The following ST7 variants were observed in gnomAD, a reference collection of about 807,000 sequenced individuals.
ST7 encodes the protein suppression of tumorigenicity 7, also known as suppressor of tumorigenicity 7 protein.
In ST7, 28 loss-of-function variants were observed where a neutral mutation model predicts 78.7. The observed-to-expected ratio is 0.36, with a 90% CI of 0.26 to 0.49. ST7 has a LOEUF of 0.49. Ranked by LOEUF, ST7 falls within the 20% of genes least tolerant of loss-of-function variation. The pLI is 0.99. For missense variants in ST7, 418 were observed against 696.0 expected (o/e 0.60, Z 4.49); for synonymous variants, 247 against 249.6 (o/e 0.99, Z 0.10).
rs111656866 is a variant in ST7 at position 117,190,790 on chromosome 7, A to G, written c.1152-44A>G. 18 of 1,539,670 alleles carry G rather than the reference A, an allele frequency of 1.2e-5. No homozygotes were observed. Among genetic ancestry groups the G allele is most frequent in the Non-Finnish European group, 1.6e-5 (18 of 1,114,100 alleles). The stretch of plus-strand genomic sequence containing the variant: ...GTAGATGCTTCCGGGTTGATGCCCA[A>G]GCAGTGGTCCCACCTGGATGGTTTT... On this transcript the variant is annotated intron_variant, in intron 11 of 15. Transcript: ENST00000323984. The surrounding 1 kb of genome is among the most constrained non-coding windows in gnomAD (Gnocchi z 5.2).
At chr7:117,033,598 A>G (rs1226746225) in intron 1 of ST7, among the ~76,000 whole-genome samples, 1 of 151,902 alleles carries the variant, frequency 6.6e-6, no homozygotes, top group Non-Finnish European at 1.5e-5. Flanking sequence ...TAATTTTTGT[A>G]TTTTTAGTAG....
intron 1 of ST7, among the ~76,000 whole-genome samples, chr7:116,997,193 C>T (rs553790340): frequency 3.9e-4 from 59 of 152,128 alleles, no homozygotes; most frequent in African/African-American, 9.9e-4. Context: ...AAGGTAGTGC[C>T]GACCCAAAGA....
chr7:117,207,659 C>T (rs1390142680), intron 12 of ST7, among the ~76,000 whole-genome samples: 3 of 152,128 alleles, frequency 2.0e-5, no homozygotes, highest in Admixed American at 2.0e-4. Flanking sequence ...AAGAAGATTT[C>T]TGTATACCTG....
At chr7:117,105,557 C>T (rs566850042) in intron 2 of ST7, among the ~76,000 whole-genome samples, 3 of 152,180 alleles carry the variant, frequency 2.0e-5, no homozygotes, top group Non-Finnish European at 2.9e-5. Flanking sequence ...GCTGGGATTA[C>T]AGGCGTGAGC....
chr7:117,049,636 ATG>A (rs1673161741), intron 1 of ST7, among the ~76,000 whole-genome samples: 2 of 152,198 alleles, frequency 1.3e-5, no homozygotes, highest in South Asian at 4.1e-4. Context: ...CAAAAAGTGC[ATG>A]TGTTTTGTGT....
chr7:117,058,662 C>T (rs1798190355), intron 1 of ST7, among the ~76,000 whole-genome samples: 1 of 152,120 alleles, frequency 6.6e-6, no homozygotes, highest in Non-Finnish European at 1.5e-5. Context: ...TTTTACTCAG[C>T]TTTTAAGTCA....
In ST7 at chr7:117,023,257, AAAC is replaced by A. The variant is rs369884577; in HGVS notation, c.151+69568_151+69570del. Among the ~76,000 whole-genome samples, 101 of 152,356 alleles carry A rather than the reference AAAC, an allele frequency of 6.6e-4. No individual in the cohort carries two copies. The East Asian group carries it at 0.017, about 25-fold the overall frequency. ...TACTTGCACCCTTCCTCACCAAAAA[AAAC>A]AGACAAAAAAAGCCTTTAAAATACC... On this transcript the variant is annotated intron_variant, in intron 1 of 15. Coordinates refer to ENST00000323984, the MANE Select transcript of ST7 (RefSeq NM_001369598.1).
chr7:117,044,366 A>C (rs1012597168), intron 1 of ST7, among the ~76,000 whole-genome samples: 2 of 152,138 alleles, frequency 1.3e-5, no homozygotes, highest in Non-Finnish European at 2.9e-5. Context: ...ATTCATGTAG[A>C]TCCCTAAGGT....
At chr7:117,189,417 G>A in intron 11 of ST7, 24 bp downstream of exon 11, 2 of 1,557,942 alleles carry the variant, frequency 1.3e-6, no homozygotes, top group Non-Finnish European at 1.7e-6. Flanking sequence ...AGTTTGCGCG[G>A]TACTAATGCC....
chr7:117,079,243 G>T (rs1799574691), intron 1 of ST7, among the ~76,000 whole-genome samples: 1 of 152,114 alleles, frequency 6.6e-6, no homozygotes, highest in Non-Finnish European at 1.5e-5. Context: ...ATGGTTTAAA[G>T]TATACAGGAG....
rs780866579 is a variant in ST7 at position 117,031,512 on chromosome 7, A to G, written c.152-68250A>G. Among the ~76,000 whole-genome samples the G allele has an allele frequency of 6.4e-4, 48 of 75,478 alleles. 24 individuals are homozygous for G. The highest frequency in any genetic ancestry group is 1.7e-3 in the South Asian group (4 of 2,336). 49.5% of individuals were successfully genotyped at this position (75,478 alleles called of 152,430 possible). A position where few individuals can be genotyped will look rare whatever the true frequency, so the allele number is the denominator to read the frequency against. On this transcript the variant is annotated intron_variant, in intron 1 of 15. Coordinates refer to ENST00000323984, the MANE Select transcript of ST7 (RefSeq NM_001369598.1). ...TGCATATATATGCATATATGTGTGTATATGTGCATATATATGCATATATGT... is the reference window on the plus strand; with the variant it reads ...TGCATATATATGCATATATGTGTGTGTATGTGCATATATATGCATATATGT...
chr7:117,079,358 T>G (rs559307579), intron 1 of ST7, among the ~76,000 whole-genome samples: 62 of 152,308 alleles, frequency 4.1e-4, no homozygotes, highest in Middle Eastern at 3.4e-3. Context: ...GAACCAGTCC[T>G]CCATGGGTAT....
intron 1 of ST7, among the ~76,000 whole-genome samples, chr7:116,984,585 C>T (rs1794110250): frequency 1.3e-5 from 2 of 152,162 alleles, no homozygotes; most frequent in African/African-American, 4.8e-5. Context: ...ATGACTCTAT[C>T]ACTTAATGTC....
chr7:117,208,856 T>G (rs1051593935), intron 12 of ST7, among the ~76,000 whole-genome samples: 1 of 151,638 alleles, frequency 6.6e-6, no homozygotes, highest in African/African-American at 2.4e-5. Context: ...CATGGGCTGT[T>G]GTTATGTTTG....
At chr7:117,058,059 G>C (rs1013555584) in intron 1 of ST7, among the ~76,000 whole-genome samples, 2 of 152,048 alleles carry the variant, frequency 1.3e-5, no homozygotes, top group African/African-American at 4.8e-5. Flanking sequence ...TTTTTCACAG[G>C]TTTCTACTTT....
chr7:116,974,348 C>T (rs1348431683), intron 1 of ST7, among the ~76,000 whole-genome samples: 1 of 150,930 alleles, frequency 6.6e-6, no homozygotes, highest in Non-Finnish European at 1.5e-5. Flanking sequence ...AGTGCAGTGG[C>T]GTGATCTCGG....
intron 1 of ST7, among the ~76,000 whole-genome samples, chr7:116,977,189 T>C (rs1026147675): frequency 9.2e-5 from 14 of 152,236 alleles, no homozygotes; most frequent in African/African-American, 3.4e-4. Context: ...TCTGATTCTG[T>C]GTATATGATG....
intron 1 of ST7, among the ~76,000 whole-genome samples, chr7:117,087,073 G>A (rs1285412522): frequency 6.6e-6 from 1 of 152,158 alleles, no homozygotes; most frequent in Non-Finnish European, 1.5e-5. Flanking sequence ...ATTTTCCTCA[G>A]AAGAGAAGTA....
At chr7:117,129,958 C>A in intron 4 of ST7, 111 bp downstream of exon 4, 3 of 727,272 alleles carry the variant, frequency 4.1e-6, no homozygotes, top group Non-Finnish European at 6.8e-6. Flanking sequence ...CTATGTAGTG[C>A]GTCCATTTTT....
Sources: gnomAD v4.1 joint callset for allele counts (sites outside exome capture counted in the v4.1 genomes callset) on GRCh38, gnomAD v4.1.1 for gene constraint, Gnocchi (gnomAD v3.1) non-coding constraint, MANE v1.5 for transcripts, NCBI Gene and HGNC (gene_info 2026-07-23, HGNC 2026-07-21) for gene names.